EYS: variants seen among roughly 807,000 people sequenced by gnomAD.
The protein encoded by EYS is protein eyes shut homolog.
Under a neutral mutation model 282.1 loss-of-function variants are expected in EYS, and 250 were observed. The ratio of observed to expected loss-of-function variants is 0.89; its 90% confidence interval spans 0.80 to 0.98. EYS has a LOEUF of 0.98. Ranked by LOEUF, EYS falls within the 50% of genes least tolerant of loss-of-function variation. EYS has a pLI of 0.00. For missense variants in EYS, 4,016 were observed against 3,709.0 expected (o/e 1.08, Z -2.15); for synonymous variants, 1,355 against 1,282.9 (o/e 1.06, Z -1.20).
chr6:65,553,110 T>C lies in EYS; in HGVS notation c.-332-57117A>G, dbSNP rs148291015. Among the ~76,000 whole-genome samples, 369 of 152,320 alleles carry C rather than the reference T, an allele frequency of 2.4e-3. 2 individuals are homozygous for C. The highest frequency in any genetic ancestry group is 8.7e-3 in the African/African-American group (360 of 41,594). On this transcript the variant is annotated intron_variant, in intron 2 of 42. Transcript: ENST00000503581. ...TTTTAAGTTTCTATGTCCACAGCTCTACTGAAATCATTCTGACAAAAATCA... is the reference window on the plus strand; with the variant it reads ...TTTTAAGTTTCTATGTCCACAGCTCCACTGAAATCATTCTGACAAAAATCA...
Position 65,057,741 on chromosome 6 carries a change from G to GAA in EYS, c.2024-16_2024-15dup, listed in dbSNP as rs202085379. ...CACATTGCGTACCTTTGGAAAATAG[G>GAA]AAAAAAAAATGTTAAGTGTTAACAA... is the stretch of plus-strand genomic sequence containing the variant. On this transcript the variant is annotated splice_polypyrimidine_tract_variant and intron_variant, in intron 12 of 42. Coordinates refer to ENST00000503581, the MANE Select transcript of EYS (RefSeq NM_001142800.2). 9.2e-6 allele frequency: 13 copies of GAA among 1,406,578 alleles called. No homozygotes were observed. The highest frequency in any genetic ancestry group is 6.4e-5 in the South Asian group (5 of 78,740). The allele number at this position is 1,406,578 out of a possible 1,614,324, so 87.1% of individuals were successfully genotyped here.
chr6:64,222,699 G>A (rs1177343854), intron 31 of EYS, among the ~76,000 whole-genome samples: 1 of 151,992 alleles, frequency 6.6e-6, no homozygotes, highest in Non-Finnish European at 1.5e-5. Context: ...ATCTGAAAAT[G>A]TGTTCTCCTA....
intron 13 of EYS, among the ~76,000 whole-genome samples, chr6:65,048,212 C>A (rs997344227): frequency 2.6e-5 from 4 of 151,792 alleles, no homozygotes; most frequent in African/African-American, 9.7e-5. Context: ...ACTTTTCTAC[C>A]AAATATTTTC....
At position 65,141,601 on chromosome 6, in the gene EYS, A is replaced by T. The variant is rs1581948710; in HGVS notation, c.2024-83874T>A. Among the ~76,000 whole-genome samples, 7 of 152,144 alleles carry T rather than the reference A, an allele frequency of 4.6e-5. No individual in the cohort carries two copies. In the South Asian group the frequency reaches 1.5e-3, roughly 32 times the overall value. Reference sequence around the variant, plus strand: ...TAATTCTAAATAAATCCAAACACACATCTATTCAAACTGAAGTCAGTGAGT... The same window carrying T: ...TAATTCTAAATAAATCCAAACACACTTCTATTCAAACTGAAGTCAGTGAGT... On this transcript the variant is annotated intron_variant, in intron 12 of 42. Coordinates refer to ENST00000503581, the MANE Select transcript of EYS (RefSeq NM_001142800.2).
Position 65,479,079 on chromosome 6 carries a change from T to A in EYS, c.862+11515A>T, listed in dbSNP as rs1043101128. Among the ~76,000 whole-genome samples, 31 of 138,534 alleles carry A rather than the reference T, an allele frequency of 2.2e-4. 1 individual carries two copies. The highest frequency in any genetic ancestry group is 8.1e-3 in the Middle Eastern group (2 of 248). The allele number at this position is 138,534 out of a possible 152,430, so 90.9% of individuals were successfully genotyped here. A position where few individuals can be genotyped will look rare whatever the true frequency, so the allele number is the denominator to read the frequency against. ...CAGTGACCAGTAGGAGAATTCTTAA[T>A]CTACCATACCATAAACTCAGAAATT... On this transcript the variant is annotated intron_variant, in intron 5 of 42. Transcript: ENST00000503581.
chr6:65,107,771 T>A (rs2150187022), intron 12 of EYS, among the ~76,000 whole-genome samples: 1 of 152,096 alleles, frequency 6.6e-6, no homozygotes, highest in South Asian at 2.1e-4. Context: ...TCTAATGCAA[T>A]TATCCACATG....
chr6:64,497,878 G>A (rs1415409236), intron 26 of EYS, among the ~76,000 whole-genome samples: 1 of 152,088 alleles, frequency 6.6e-6, no homozygotes, highest in East Asian at 1.9e-4. Flanking sequence ...TTGAGCCTGG[G>A]TGAACAAAAA....
At chr6:65,066,743 T>G (rs1326282423) in intron 12 of EYS, among the ~76,000 whole-genome samples, 1 of 152,172 alleles carries the variant, frequency 6.6e-6, no homozygotes, top group Admixed American at 6.5e-5. Context: ...CCTTTCTTAG[T>G]AGACATTTGC....
At position 63,763,016 on chromosome 6, in the gene EYS, T is replaced by C. The variant is rs73451331; in HGVS notation, c.7899-383A>G. On this transcript the variant is annotated intron_variant, in intron 40 of 42. Coordinates refer to ENST00000503581, the MANE Select transcript of EYS (RefSeq NM_001142800.2). ...ATTCAGCAGGACCACTTGGAGAGCT[T>C]GGTGTGTTTTTCCCTGGCATTGGCA... 2.8e-3 allele frequency among the ~76,000 whole-genome samples: 433 copies of C among 152,154 alleles called. 2 individuals are homozygous for C. Among genetic ancestry groups the C allele is most frequent in the African/African-American group, 0.01 (420 of 41,540 alleles).
At chr6:65,386,033 T>A (rs1436030313) in intron 7 of EYS, among the ~76,000 whole-genome samples, 1 of 151,902 alleles carries the variant, frequency 6.6e-6, no homozygotes, top group Non-Finnish European at 1.5e-5. Context: ...TACTTTGTGT[T>A]GCAGTTTCCA....
chr6:64,359,558 C>G (rs1771937118), intron 29 of EYS, among the ~76,000 whole-genome samples: 1 of 151,686 alleles, frequency 6.6e-6, no homozygotes, highest in Non-Finnish European at 1.5e-5. Context: ...GCATCTGTAA[C>G]AAAGGGCCAT....
intron 5 of EYS, among the ~76,000 whole-genome samples, chr6:65,407,445 G>A (rs1479753019): frequency 6.6e-6 from 1 of 151,766 alleles, no homozygotes; most frequent in East Asian, 1.9e-4. Context: ...TAGTAGAGAT[G>A]GGGTTTCATT....
At chr6:65,189,064 T>A (rs1322931717) in intron 12 of EYS, among the ~76,000 whole-genome samples, 2 of 151,696 alleles carry the variant, frequency 1.3e-5, no homozygotes, top group Non-Finnish European at 2.9e-5. Context: ...GTTACAGTTT[T>A]AATTTTTTTT....
intron 5 of EYS, among the ~76,000 whole-genome samples, chr6:65,446,132 A>C (rs1768648024): frequency 6.6e-6 from 1 of 151,804 alleles, no homozygotes; most frequent in African/African-American, 2.4e-5. Context: ...TTGTTTTATC[A>C]TATATGTAGC....
intron 31 of EYS, among the ~76,000 whole-genome samples, chr6:64,111,372 T>C (rs796372197): frequency 2.6e-5 from 4 of 152,002 alleles, no homozygotes; most frequent in Non-Finnish European, 4.4e-5. Flanking sequence ...AAAGAGGCTA[T>C]AGGAGTCGAG....
chr6:63,829,783 C>A (rs1272166175), intron 36 of EYS, among the ~76,000 whole-genome samples: 1 of 152,196 alleles, frequency 6.6e-6, no homozygotes, highest in Non-Finnish European at 1.5e-5. Flanking sequence ...GTCACTGACC[C>A]CTGAGTAGCC....
At chr6:64,654,044 T>C (rs1008309246) in intron 22 of EYS, among the ~76,000 whole-genome samples, 2 of 152,174 alleles carry the variant, frequency 1.3e-5, no homozygotes, top group African/African-American at 4.8e-5. Context: ...CCTATATTCC[T>C]TTTTCTGCAT....
At chr6:64,250,127 A>ATTTCTATTATTCTAT (rs1767159285) in intron 30 of EYS, among the ~76,000 whole-genome samples, 2 of 152,236 alleles carry the variant, frequency 1.3e-5, no homozygotes, top group Non-Finnish European at 2.9e-5. Context: ...AGTGTATCTT[A>ATTTCTATTATTCTAT]TAGAAATTCC....
chr6:63,799,981 G>A (rs1365560494), intron 37 of EYS, among the ~76,000 whole-genome samples: 2 of 152,180 alleles, frequency 1.3e-5, no homozygotes, highest in African/African-American at 4.8e-5. Flanking sequence ...TGTTGGAGTC[G>A]AGAAGCTGAG....
Sources: gnomAD v4.1 joint callset for allele counts (sites outside exome capture counted in the v4.1 genomes callset) on GRCh38, gnomAD v4.1.1 for gene constraint, MANE v1.5 for transcripts, NCBI Gene and HGNC (gene_info 2026-07-23, HGNC 2026-07-21) for gene names.